The following LPIN3 variants were observed in gnomAD, a reference collection of about 807,000 sequenced individuals.
LPIN3 encodes the protein phosphatidate phosphatase LPIN3.
A neutral mutation model predicts 94.7 loss-of-function variants in LPIN3; 82 were observed. The ratio of observed to expected loss-of-function variants is 0.87; its 90% CI spans 0.72 to 1.04. The LOEUF (loss-of-function observed/expected upper bound fraction) is 1.04. Among genes scored for constraint, LPIN3 ranks in the 50% least tolerant of loss-of-function variants. The pLI, the probability that LPIN3 is intolerant of heterozygous loss-of-function variation, is 0.00. For synonymous variants in LPIN3, 418 were observed against 443.3 expected (o/e 0.94, Z 0.72); for missense variants, 996 against 1,090.5 (o/e 0.91, Z 1.22).
chr20:41,354,957 C>A, intron 13 of LPIN3, 94 bp downstream of exon 13: 3 of 1,232,680 alleles, frequency 2.4e-6, no homozygotes, highest in Non-Finnish European at 2.2e-6. Context: ...AGCACCCTGT[C>A]TCCAGCTGTG....
At chr20:41,357,574 G>A (rs1211794960) in intron 16 of LPIN3, 127 bp downstream of exon 16, 1 of 818,918 alleles carries the variant, frequency 1.2e-6, no homozygotes, top group Non-Finnish European at 1.9e-6. Context: ...TGCCTGGAGT[G>A]CTGAGACCTC....
Position 41,350,227 on chromosome 20 carries a change from CAG to C in LPIN3, c.935_936del (p.Glu312GlyfsTer68). The C allele has an allele frequency of 6.2e-7, 1 of 1,613,750 alleles. No individual in the cohort carries two copies. On this transcript the variant is annotated frameshift_variant, in exon 7 of 20. Coordinates refer to ENST00000373257, the MANE Select transcript of LPIN3 (RefSeq NM_022896.3). LOFTEE classifies it high-confidence loss of function. ...GCTGGTGCCGACCTTCAGCCTGACA[CAG>C]AGGATCCCACTCTAGTGGGTCCCCC...
At chr20:41,355,591 T>G (rs1186927303) in intron 13 of LPIN3, among the ~76,000 whole-genome samples, 1 of 152,054 alleles carries the variant, frequency 6.6e-6, no homozygotes, top group Non-Finnish European at 1.5e-5. Flanking sequence ...CCAAAGCAGG[T>G]GGGGTTGGGA....
rs137973895 is a variant in LPIN3, at chr20:41,355,933, C to T, written c.1702C>T (p.Pro568Ser). ...AGTCCTGAGCAGTGATGACGATGCC[C>T]CAGACAGCCCTGTGATCCTGGAGAT... ...TEVLSSDDDA[P>S]DSPVILEIPS... The change falls in exon 14 of 20, where the codon CCA becomes TCA. Residue 568 changes from proline (P) to serine (S), a missense_variant. Physicochemically the swap from Pro to Ser is moderately conservative, Grantham distance 74. Transcript: ENST00000373257. 73 of 1,613,988 alleles carry T rather than the reference C, an allele frequency of 4.5e-5. No individual in the cohort carries two copies. Among genetic ancestry groups the T allele is most frequent in the Non-Finnish European group, 5.8e-5 (68 of 1,180,000 alleles).
chr20:41,347,398 G>A (rs529758252), intron 2 of LPIN3, among the ~76,000 whole-genome samples, 154 bp from the exon 3 acceptor site: 1 of 152,320 alleles, frequency 6.6e-6, no homozygotes, highest in South Asian at 2.1e-4. Flanking sequence ...CCCCTTCGTG[G>A]GGAGCAGCCA....
chr20:41,348,654 C>G lies in LPIN3; in HGVS notation c.324C>G (p.Ile108Met). 6.2e-7 allele frequency: 1 copy of G among 1,613,462 alleles called. No homozygotes were observed. Among genetic ancestry groups the G allele is most frequent in the Non-Finnish European group, 8.5e-7 (1 of 1,179,542 alleles). ...CTCCCGGCCTGTGCACCTCACCCAT[C>G]CCTTGGGGGGGTCTGTCTGGCTTCC... ...HVPPGLCTSP[I>M]PWGGLSGFPS... is the part of the protein sequence containing the mutation. Residue 108 changes from isoleucine (I) to methionine (M), a missense_variant, in exon 4 of 20, where the codon ATC (isoleucine) becomes ATG (methionine). Coordinates refer to ENST00000373257, the MANE Select transcript of LPIN3 (RefSeq NM_022896.3).
chr20:41,348,233 C>G (rs2045857804), intron 3 of LPIN3, among the ~76,000 whole-genome samples: 2 of 152,206 alleles, frequency 1.3e-5, no homozygotes, highest in Admixed American at 1.3e-4. Flanking sequence ...GACACATAAA[C>G]AATGGATGAT....
At chr20:41,347,822 G>A (rs768835265) in intron 3 of LPIN3, among the ~76,000 whole-genome samples, 175 bp downstream of exon 3, 76 of 152,324 alleles carry the variant, frequency 5.0e-4, no homozygotes, top group Admixed American at 2.3e-3. Context: ...ATATGCTGTG[G>A]GGGCCCAGAG....
At chr20:41,356,939 A>G in intron 14 of LPIN3, 101 bp from the exon 15 acceptor site, 1 of 1,361,766 alleles carries the variant, frequency 7.3e-7, no homozygotes, top group Non-Finnish European at 1.0e-6. Context: ...GGAAGAGGAG[A>G]ATGAGAGGCC....
chr20:41,359,029 G>A lies in LPIN3; in HGVS notation c.*163G>A, dbSNP rs987053925. On this transcript the variant is annotated 3_prime_UTR_variant, in exon 20 of 20. Transcript: ENST00000373257. Reference sequence around the variant, plus strand: ...CTAGAGAGACTCCCCCATCTTCCCCGTCATATTTTTGCCAGCTAAGCTGCA... The same window carrying A: ...CTAGAGAGACTCCCCCATCTTCCCCATCATATTTTTGCCAGCTAAGCTGCA... The A allele has an allele frequency of 3.9e-5, 32 of 824,068 alleles. No individual in the cohort carries two copies. Among genetic ancestry groups the A allele is most frequent in the Admixed American group, 1.1e-4 (4 of 35,898 alleles). 51.0% of individuals were successfully genotyped at this position (824,068 alleles called of 1,614,324 possible).
rs1335461052 is a variant in LPIN3 at position 41,352,681 on chromosome 20, T to C, written c.1439T>C (p.Val480Ala). Residue 480 changes from valine (V) to alanine (A), a missense_variant, in exon 10 of 20, where the codon GTG becomes GCG. Val to Ala is a moderately conservative substitution (Grantham distance 64). Transcript: ENST00000373257. ...NPGLLDDPNL[V>A]VKINGKHYNW... is the part of the protein sequence containing the mutation. The stretch of plus-strand genomic sequence containing the variant: ...GGACTTTTGGATGACCCAAACCTAG[T>C]GGTGAAAATCAATGGAAAGTAAGTC... The C allele has an allele frequency of 1.2e-5, 20 of 1,613,986 alleles. No individual in the cohort carries two copies. The highest frequency in any genetic ancestry group is 1.6e-5 in the Non-Finnish European group (19 of 1,179,982).
intron 1 of LPIN3, among the ~76,000 whole-genome samples, chr20:41,344,681 G>A (rs781327594): frequency 7.2e-5 from 11 of 152,190 alleles, no homozygotes; most frequent in Non-Finnish European, 1.6e-4. Context: ...TCAGCCTCCT[G>A]CTTTGGGCTT....
rs777721662 is a variant in LPIN3, at chr20:41,357,035, C to T, written c.1804-5C>T. The T allele has an allele frequency of 2.5e-6, 4 of 1,610,688 alleles. No individual in the cohort carries two copies. In the East Asian group the frequency reaches 6.7e-5, roughly 27 times the overall value. The stretch of plus-strand genomic sequence containing the variant: ...CACGACACACCCCCCTTTGTCTGGC[C>T]TCAGCGGCGCCTGAACCTGCAAGAA... On this transcript the variant is annotated splice_polypyrimidine_tract_variant and splice_region_variant and intron_variant, in intron 14 of 19. Transcript: ENST00000373257.
At chr20:41,352,544 G>C (rs1480079432) in intron 9 of LPIN3, 62 bp from the exon 10 acceptor site, 6 of 1,415,506 alleles carry the variant, frequency 4.2e-6, no homozygotes, top group Non-Finnish European at 5.0e-6. Context: ...GCACCAGGGG[G>C]CTGGGGCAGC....
rs1569013131 is a variant in LPIN3, at chr20:41,358,241, G to T, written c.2197G>T (p.Val733Leu). 3 of 1,613,720 alleles carry T rather than the reference G, an allele frequency of 1.9e-6. No homozygotes were observed. The highest frequency in any genetic ancestry group is 2.5e-6 in the Non-Finnish European group (3 of 1,180,002). Residue 733 changes from valine (V) to leucine (L), a missense_variant, in exon 18 of 20, where the codon GTG becomes TTG. By Grantham distance (32) the Val-to-Leu change is conservative. Transcript: ENST00000373257. ...SSLFSALHRE[V>L]IEKKPEVFKV... ...CTGTGGTTCTGGCCACCCCAGAGAG[G>T]TGATCGAGAAGAAACCAGAGGTGTT...
Position 41,352,321 on chromosome 20 carries a change from G to C in LPIN3, c.1363+101G>C, listed in dbSNP as rs79682866. 54,796 of 1,381,212 alleles carry C rather than the reference G, an allele frequency of 0.04. 6,307 individuals are homozygous for C. In the East Asian group the frequency reaches 0.48, roughly 12 times the overall value. 85.6% of individuals were successfully genotyped at this position (1,381,212 alleles called of 1,614,324 possible). A position where few individuals can be genotyped will look rare whatever the true frequency, so the allele number is the denominator to read the frequency against. ...GAGGGTGGGGCAGTAGAGGTGAGAGGCTGGGCTTCCCTGCAGCTCTCTGCC... is the reference window on the plus strand; with the variant it reads ...GAGGGTGGGGCAGTAGAGGTGAGAGCCTGGGCTTCCCTGCAGCTCTCTGCC... On this transcript the variant is annotated intron_variant, in intron 9 of 19. Transcript: ENST00000373257.
At chr20:41,346,097 G>C in intron 2 of LPIN3, 102 bp downstream of exon 2, 1 of 1,222,352 alleles carries the variant, frequency 8.2e-7, no homozygotes, top group Non-Finnish European at 1.1e-6. Context: ...CCCTTAGGTG[G>C]GGATCTGTCC....
At chr20:41,349,661 A>G (rs2045927020) in intron 5 of LPIN3, 113 bp from the exon 6 acceptor site, 2 of 1,288,330 alleles carry the variant, frequency 1.6e-6, no homozygotes, top group Admixed American at 5.8e-5. Flanking sequence ...CTTATATATT[A>G]TGGATTCAAC....
intron 10 of LPIN3, 43 bp from the exon 11 acceptor site, chr20:41,352,755 C>T: frequency 6.2e-7 from 1 of 1,612,450 alleles, no homozygotes; most frequent in Non-Finnish European, 8.5e-7. Flanking sequence ...CTCTTCACAA[C>T]CCTGCAGCTG....
Sources: allele counts gnomAD v4.1 joint callset (sites outside exome capture counted in the v4.1 genomes callset), GRCh38; gene constraint gnomAD v4.1.1; transcripts MANE v1.5; gene names NCBI Gene and HGNC (gene_info 2026-07-23, HGNC 2026-07-21).